The following DSE variants were observed in gnomAD, a reference collection of about 807,000 sequenced individuals.
The protein encoded by DSE is dermatan sulfate epimerase.
DSE carries 36 observed loss-of-function variants against 84.4 expected under a neutral mutation model. That is an observed-to-expected ratio of 0.43 (90% confidence interval 0.33 to 0.56). The LOEUF (loss-of-function observed/expected upper bound fraction) is 0.56. Ranked by LOEUF, DSE falls within the 20% of genes least tolerant of loss-of-function variation. DSE has a pLI of 0.06. For missense variants in DSE, 862 were observed against 1,169.6 expected, an observed-to-expected ratio of 0.74 and a Z score of 3.84; for synonymous variants, 410 against 430.1, an observed-to-expected ratio of 0.95 and a Z score of 0.58.
At chr6:116,380,917 ATAC>A (rs1357195194) in intron 1 of DSE, among the ~76,000 whole-genome samples, 1 of 152,190 alleles carries the variant, frequency 6.6e-6, no homozygotes, top group East Asian at 1.9e-4. Flanking sequence ...CCCAATTCAG[ATAC>A]TACCTCCTCA....
At chr6:116,432,154 T>G (rs1783881810) in intron 4 of DSE, among the ~76,000 whole-genome samples, 1 of 152,228 alleles carries the variant, frequency 6.6e-6, no homozygotes, top group Non-Finnish European at 1.5e-5. Flanking sequence ...GTTTTGCAAT[T>G]CATCCTAGTA....
At chr6:116,373,457 G>C (rs950733280) in intron 1 of DSE, among the ~76,000 whole-genome samples, 1 of 152,198 alleles carries the variant, frequency 6.6e-6, no homozygotes, top group Non-Finnish European at 1.5e-5. Flanking sequence ...CTAGATTGAG[G>C]CTGTCCTTCC....
chr6:116,266,143 A>C (rs1254853664), intron 2 of DSE, among the ~76,000 whole-genome samples: 1 of 152,034 alleles, frequency 6.6e-6, no homozygotes, highest in Non-Finnish European at 1.5e-5. Context: ...CTTTTTCCAC[A>C]CTTTAACATC....
At chr6:116,370,533 C>T (rs1779467982), upstream of DSE, 14 of 984,480 alleles carry the variant, frequency 1.4e-5, no homozygotes, top group Non-Finnish European at 1.7e-5. Flanking sequence ...GCTTTCCTCT[C>T]GCAGAGTAGT....
chr6:116,365,360 T>C (rs1779104534), upstream of DSE, among the ~76,000 whole-genome samples: 1 of 152,102 alleles, frequency 6.6e-6, no homozygotes, highest in Non-Finnish European at 1.5e-5. Context: ...TTCACGCCAT[T>C]CTCCTGCCTC....
intron 2 of DSE, among the ~76,000 whole-genome samples, chr6:116,275,215 A>G (rs1445101592): frequency 6.6e-6 from 1 of 152,226 alleles, no homozygotes; most frequent in African/African-American, 2.4e-5. Flanking sequence ...TCTAGAGTCT[A>G]ACCCCCTTCT....
intron 1 of DSE, among the ~76,000 whole-genome samples, chr6:116,395,280 C>T (rs1410951861): frequency 1.3e-5 from 2 of 152,176 alleles, no homozygotes; most frequent in African/African-American, 4.8e-5. Flanking sequence ...AAAATATTAG[C>T]TGGGCATGGT....
intron 2 of DSE, among the ~76,000 whole-genome samples, chr6:116,331,013 GA>G (rs1265681349): frequency 6.6e-6 from 1 of 151,986 alleles, no homozygotes; most frequent in Non-Finnish European, 1.5e-5. Flanking sequence ...CAGAATAAAG[GA>G]AAAAATTATA....
chr6:116,426,943 T>A, intron 3 of DSE, 116 bp downstream of exon 3: 1 of 1,369,244 alleles, frequency 7.3e-7, no homozygotes, highest in Non-Finnish European at 9.7e-7. Context: ...GGATCCTAAC[T>A]AAACCCATGA....
intron 2 of DSE, among the ~76,000 whole-genome samples, chr6:116,315,051 G>A (rs953826483): frequency 2.6e-5 from 4 of 152,152 alleles, no homozygotes; most frequent in African/African-American, 9.7e-5. Context: ...GTTGAGTGGG[G>A]AGAAATGGGG....
intron 2 of DSE, among the ~76,000 whole-genome samples, chr6:116,345,767 T>A (rs551665186): frequency 6.6e-6 from 1 of 151,988 alleles, no homozygotes; most frequent in East Asian, 1.9e-4. Flanking sequence ...ATAACTAAGA[T>A]CAGAGCAGAA....
chr6:116,382,741 A>G (rs1490115276), intron 1 of DSE, among the ~76,000 whole-genome samples: 1 of 152,274 alleles, frequency 6.6e-6, no homozygotes, highest in South Asian at 2.1e-4. Context: ...GTTGGAGATG[A>G]TAAGTGAGTA....
chr6:116,431,199 G>A lies in DSE; in HGVS notation c.910+6G>A. 1.9e-6 allele frequency: 3 copies of A among 1,613,944 alleles called. No homozygotes were observed. The highest frequency in any genetic ancestry group is 2.7e-5 in the African/African-American group (2 of 75,062). ...GTATAGAACCATCCTGCCAGGTATA[G>A]TGAGGAGTCAGAAGTGTGAAAACAT... On this transcript the variant is annotated splice_donor_region_variant and intron_variant, in intron 4 of 5. Transcript: ENST00000644252.
At position 116,278,569 on chromosome 6, in the gene DSE, G is replaced by A. The variant is rs1208055254; in HGVS notation, c.-54+19602G>A. The A allele has an allele frequency of 2.5e-6, 4 of 1,614,158 alleles. No individual in the cohort carries two copies. In the South Asian group the frequency reaches 3.3e-5, roughly 13 times the overall value. On this transcript the variant is annotated intron_variant, in intron 2 of 3. Transcript: ENST00000430252. ...GGGGATCTCTACAGGCTCCCTTAGCGGGCGACGTCGGGCTCTACGGACTCC... is the reference window on the plus strand; with the variant it reads ...GGGGATCTCTACAGGCTCCCTTAGCAGGCGACGTCGGGCTCTACGGACTCC...
Position 116,438,188 on chromosome 6 carries a change from GGA to G in DSE, c.*847_*848del, listed in dbSNP as rs1405184723. 1.3e-5 allele frequency: 2 copies of G among 152,324 alleles called. No individual in the cohort carries two copies. The highest frequency in any genetic ancestry group is 2.4e-5 in the African/African-American group (1 of 41,368). The allele number at this position is 152,324 out of a possible 1,614,324, so 9.4% of individuals were successfully genotyped here. Reference sequence around the variant, plus strand: ...TGTTGATTTTCATACCAAAGAAGATGGAGAGTCTAAAATTTGGATATGATTCT... The same window carrying G: ...TGTTGATTTTCATACCAAAGAAGATGGAGTCTAAAATTTGGATATGATTCT... On this transcript the variant is annotated 3_prime_UTR_variant, in exon 6 of 6. Transcript: ENST00000644252.
intron 2 of DSE, among the ~76,000 whole-genome samples, chr6:116,350,622 T>G (rs908061629): frequency 6.6e-6 from 1 of 152,160 alleles, no homozygotes; most frequent in Non-Finnish European, 1.5e-5. Context: ...AAAAACCCAG[T>G]CAGGCAGACA....
Position 116,433,364 on chromosome 6 carries a change from T to C in DSE, c.932T>C (p.Ile311Thr). 6.4e-7 allele frequency: 1 copy of C among 1,551,408 alleles called. No homozygotes were observed. The highest frequency in any genetic ancestry group is 1.4e-5 in the African/African-American group (1 of 73,166). Residue 311 changes from isoleucine to threonine, a missense_variant, in exon 5 of 6, where the codon ATT (isoleucine) becomes ACT (threonine). This residue lies in a region of DSE where 309 missense variants were observed against 516.9 expected (regional missense o/e 0.60). Coordinates refer to ENST00000644252, the MANE Select transcript of DSE (RefSeq NM_013352.4). ...ILPGFQRTVA[I>T]ADSNYNWFYG... is the part of the protein sequence containing the mutation. ...CTAGGGTTTCAAAGGACTGTGGCTA[T>C]TGCGGACTCAAATTACAACTGGTTT...
chr6:116,324,856 A>T (rs1367443762), intron 2 of DSE, among the ~76,000 whole-genome samples: 1 of 152,126 alleles, frequency 6.6e-6, no homozygotes, highest in Non-Finnish European at 1.5e-5. Flanking sequence ...CATGCAGTCC[A>T]TTTCTGCCTG....
At chr6:116,279,871 T>C (rs1258555404) in intron 2 of DSE, 3 of 1,612,864 alleles carry the variant, frequency 1.9e-6, no homozygotes, top group South Asian at 2.2e-5. Flanking sequence ...ACGCCCGTTT[T>C]CCTCAGAGGC....
Sources: gnomAD v4.1 joint callset for allele counts (sites outside exome capture counted in the v4.1 genomes callset) on GRCh38, gnomAD v4.1.1 for gene constraint, gnomAD v4.1.1 regional missense constraint, MANE v1.5 for transcripts, NCBI Gene and HGNC (gene_info 2026-07-23, HGNC 2026-07-21) for gene names.